Variants in POLI observed in about 807,000 individuals in gnomAD.
The protein encoded by POLI is RAD30 homolog B.
Under a neutral mutation model 51.6 loss-of-function variants are expected in POLI, and 58 were observed. That is an observed-to-expected ratio of 1.12 (90% CI 0.91 to 1.40). The LOEUF is 1.40. Among genes scored for constraint, POLI ranks in the 40% most tolerant of loss-of-function variants. POLI has a pLI of 0.00. For synonymous variants in POLI, 322 were observed against 299.7 expected (o/e 1.07, Z -0.77); for missense variants, 921 against 871.3 (o/e 1.06, Z -0.72).
intron 3 of POLI, among the ~76,000 whole-genome samples, chr18:54,313,247 T>G (rs553288105): frequency 3.3e-5 from 5 of 152,312 alleles, no homozygotes; most frequent in East Asian, 1.9e-4. Context: ...TTGACAAAGA[T>G]CAGATGGTTG....
chr18:54,315,622 T>C (rs1369959333), intron 3 of POLI, among the ~76,000 whole-genome samples: 1 of 152,208 alleles, frequency 6.6e-6, no homozygotes, highest in Non-Finnish European at 1.5e-5. Context: ...AGTTGTTTTA[T>C]GAATCGGTGC....
intron 3 of POLI, among the ~76,000 whole-genome samples, chr18:54,304,773 C>T (rs903384448): frequency 2.3e-4 from 35 of 152,224 alleles, no homozygotes; most frequent in African/African-American, 8.2e-4. Flanking sequence ...TAATTAGATC[C>T]CATTTGTCAA....
chr18:54,300,177 T>C (rs1253479183), downstream of POLI, among the ~76,000 whole-genome samples: 1 of 152,080 alleles, frequency 6.6e-6, no homozygotes, highest in Non-Finnish European at 1.5e-5. Flanking sequence ...TTTAAAAGCT[T>C]TTTTTGTTTC....
downstream of POLI, among the ~76,000 whole-genome samples, chr18:54,302,248 G>A (rs75706868): frequency 4.3e-3 from 657 of 152,288 alleles, 2 homozygotes; most frequent in Middle Eastern, 0.014. Context: ...ACAATGTGGG[G>A]AAAGGGACTA....
intron 1 of POLI, 120 bp downstream of exon 1, chr18:54,269,781 TAA>T: frequency 7.2e-7 from 1 of 1,383,210 alleles, no homozygotes; most frequent in East Asian, 3.0e-5. Flanking sequence ...TCGGCTCCTC[TAA>T]GAGAGGGCTG....
chr18:54,295,178 A>G lies in POLI; in HGVS notation c.*711A>G, dbSNP rs569574884. On this transcript the variant is annotated 3_prime_UTR_variant, in exon 10 of 10. Transcript: ENST00000579534. ...GTAAATTAAGGGAAAGATGGACACCAGAAAGGCAAGGTGATGGGCCTATAA... is the reference window on the plus strand; with the variant it reads ...GTAAATTAAGGGAAAGATGGACACCGGAAAGGCAAGGTGATGGGCCTATAA... 178 of 985,434 alleles carry G rather than the reference A, an allele frequency of 1.8e-4. 3 individuals are homozygous for G. In the South Asian group the frequency reaches 7.7e-3, roughly 43 times the overall value. 61.0% of individuals were successfully genotyped at this position (985,434 alleles called of 1,614,324 possible).
chr18:54,284,111 T>A, intron 7 of POLI, 98 bp downstream of exon 7: 1 of 536,228 alleles, frequency 1.9e-6, no homozygotes, highest in Non-Finnish European at 3.4e-6. Context: ...ACTGACAGAT[T>A]ATCTGGAGAC....
At chr18:54,301,439 A>G (rs1340514153), downstream of POLI, among the ~76,000 whole-genome samples, 1 of 152,222 alleles carries the variant, frequency 6.6e-6, no homozygotes, top group Non-Finnish European at 1.5e-5. Context: ...CACAGAATAC[A>G]GATGTTCCCT....
chr18:54,275,031 A>G (rs1048357924), intron 3 of POLI: 25 of 152,238 alleles, frequency 1.6e-4, no homozygotes, highest in Non-Finnish European at 2.9e-5. Flanking sequence ...TTGAATTAGT[A>G]AGATATTTTA....
chr18:54,313,546 C>A (rs2144649309), intron 3 of POLI, among the ~76,000 whole-genome samples: 1 of 152,120 alleles, frequency 6.6e-6, no homozygotes, highest in Admixed American at 6.5e-5. Context: ...ACTCTGGGCA[C>A]TATTACCATT....
Position 54,280,657 on chromosome 18 carries a change from G to A in POLI, c.560-10G>A, listed in dbSNP as rs2087454677. The A allele has an allele frequency of 2.6e-6, 4 of 1,560,058 alleles. No homozygotes were observed. Among genetic ancestry groups the A allele is most frequent in the Non-Finnish European group, 3.5e-6 (4 of 1,134,932 alleles). On this transcript the variant is annotated splice_polypyrimidine_tract_variant and intron_variant, in intron 4 of 9. Coordinates refer to ENST00000579534, the MANE Select transcript of POLI (RefSeq NM_007195.3). ...CTTGTGACTTTGAATGACATTTGTT[G>A]TTTTTAAAGCTATAAACCTGCTTGA... is the stretch of plus-strand genomic sequence containing the variant.
intron 2 of POLI, 55 bp from the exon 3 acceptor site, chr18:54,273,871 T>A: frequency 1.1e-6 from 1 of 913,492 alleles, no homozygotes; most frequent in Non-Finnish European, 1.5e-6. Context: ...ATTAATAATA[T>A]CTTTAAATGT....
At chr18:54,318,637 T>C (rs926048932) in intron 3 of POLI, among the ~76,000 whole-genome samples, 5 of 152,150 alleles carry the variant, frequency 3.3e-5, no homozygotes, top group Admixed American at 6.6e-5. Flanking sequence ...ATTTTTTTCA[T>C]TAAAAGTATA....
At chr18:54,307,399 T>A (rs1459804821) in intron 3 of POLI, among the ~76,000 whole-genome samples, 1 of 152,192 alleles carries the variant, frequency 6.6e-6, no homozygotes, top group Non-Finnish European at 1.5e-5. Flanking sequence ...CGGTTTTGAG[T>A]GAGTTTCTTA....
chr18:54,308,383 T>G (rs1007513904), intron 3 of POLI, among the ~76,000 whole-genome samples: 2 of 152,220 alleles, frequency 1.3e-5, no homozygotes, highest in Non-Finnish European at 2.9e-5. Flanking sequence ...TGGAAATTCT[T>G]TTCTTTAAGA....
intron 3 of POLI, among the ~76,000 whole-genome samples, chr18:54,307,926 A>G (rs143890168): frequency 6.8e-6 from 1 of 146,664 alleles, no homozygotes; most frequent in Non-Finnish European, 1.5e-5. Context: ...TTTGCTTACC[A>G]TTTACTTGGT....
intron 1 of POLI, 153 bp from the exon 2 acceptor site, chr18:54,271,207 C>G (rs2086988446): frequency 3.5e-6 from 2 of 565,868 alleles, no homozygotes; most frequent in Non-Finnish European, 6.0e-6. Flanking sequence ...AGTTTCATGT[C>G]TTTGTAATTT....
intron 3 of POLI, 100 bp from the exon 4 acceptor site, chr18:54,277,603 C>A: frequency 5.6e-6 from 4 of 713,440 alleles, no homozygotes; most frequent in Non-Finnish European, 6.8e-6. Flanking sequence ...TATATAAAAC[C>A]TTTAACAATA....
intron 3 of POLI, among the ~76,000 whole-genome samples, chr18:54,306,166 A>C (rs891720850): frequency 4.6e-5 from 7 of 152,136 alleles, no homozygotes; most frequent in African/African-American, 1.7e-4. Context: ...TTTCAAAGGG[A>C]ATGCTTCCAG....
Sources: gnomAD v4.1 joint callset for allele counts (sites outside exome capture counted in the v4.1 genomes callset) on GRCh38, gnomAD v4.1.1 for gene constraint, MANE v1.5 for transcripts, NCBI Gene and HGNC (gene_info 2026-07-23, HGNC 2026-07-21) for gene names.